RPA2: variants seen among roughly 807,000 people sequenced by gnomAD.
RPA2 encodes replication protein A 32 kDa subunit.
RPA2 carries 22 observed loss-of-function variants against 33.4 expected under a neutral mutation model. That is an observed-to-expected ratio of 0.66 (90% confidence interval 0.47 to 0.94). RPA2 has a LOEUF of 0.94. RPA2 is among the 40% of genes least tolerant of loss of function. The pLI is 0.00. For missense variants in RPA2, 279 were observed against 329.9 expected, an observed-to-expected ratio of 0.85 and a Z score of 1.19; for synonymous variants, 109 against 114.9, an observed-to-expected ratio of 0.95 and a Z score of 0.33.
At chr1:27,897,207 A>G in intron 5 of RPA2, 86 bp from the exon 6 acceptor site, 1 of 872,486 alleles carries the variant, frequency 1.1e-6, no homozygotes, top group Non-Finnish European at 1.8e-6. Flanking sequence ...CTTGGTTATA[A>G]TATTAATATT....
chr1:27,892,262 G>GAAA lies in RPA2; in HGVS notation c.729-18_729-16dup. 6.9e-7 allele frequency: 1 copy of GAAA among 1,453,052 alleles called. No individual in the cohort carries two copies. The highest frequency in any genetic ancestry group is 1.3e-5 in the South Asian group (1 of 77,236). The allele number at this position is 1,453,052 out of a possible 1,614,324, so 90.0% of individuals were successfully genotyped here. On this transcript the variant is annotated splice_polypyrimidine_tract_variant and intron_variant, in intron 8 of 8. Coordinates refer to ENST00000373912, the MANE Select transcript of RPA2 (RefSeq NM_002946.5). ...CCACAGCTTGCCTAGAAAGAAAGAA[G>GAAA]AAAAAAAAAAGGTCATTTTCAGGCC...
chr1:27,907,973 T>C (rs540961250), intron 2 of RPA2, among the ~76,000 whole-genome samples: 6 of 152,088 alleles, frequency 3.9e-5, no homozygotes, highest in African/African-American at 1.4e-4. Flanking sequence ...CTCAGCCTCC[T>C]GAGTAGCTGG....
intron 4 of RPA2, among the ~76,000 whole-genome samples, chr1:27,898,158 G>A (rs557082795): frequency 4.6e-5 from 7 of 152,166 alleles, no homozygotes; most frequent in South Asian, 2.1e-4. Flanking sequence ...CACCACGCCC[G>A]GCAGGCACAC....
intron 6 of RPA2, among the ~76,000 whole-genome samples, chr1:27,896,706 G>T (rs1334042773): frequency 6.6e-6 from 1 of 151,748 alleles, no homozygotes; most frequent in Non-Finnish European, 1.5e-5. Context: ...GACAATCCTG[G>T]AGCTAAGAGC....
rs760456514 is a variant in RPA2 at position 27,897,586 on chromosome 1, C to T, written c.408+47G>A. On this transcript the variant is annotated intron_variant, in intron 5 of 8. Transcript: ENST00000373912. ...AAAAGCCATGACATGAATCTAGAAA[C>T]TGCTTCATGCAAAAACACTTTAACT... The T allele has an allele frequency of 1.1e-5, 15 of 1,403,628 alleles. No homozygotes were observed. In the East Asian group the frequency reaches 3.7e-4, roughly 34 times the overall value. 86.9% of individuals were successfully genotyped at this position (1,403,628 alleles called of 1,614,324 possible). A position where few individuals can be genotyped will look rare whatever the true frequency, so the allele number is the denominator to read the frequency against.
At chr1:27,895,758 C>A (rs2089883593) in intron 6 of RPA2, among the ~76,000 whole-genome samples, 3 of 152,004 alleles carry the variant, frequency 2.0e-5, no homozygotes, top group Non-Finnish European at 4.4e-5. Context: ...AAACAAAAAA[C>A]CCAAATAAAC....
At chr1:27,893,694 G>A (rs1177704900) in intron 8 of RPA2, among the ~76,000 whole-genome samples, 2 of 152,008 alleles carry the variant, frequency 1.3e-5, no homozygotes, top group South Asian at 2.1e-4. Flanking sequence ...TGCAACCTCC[G>A]CCTCCTGGAT....
chr1:27,905,954 T>C (rs1041042445), intron 4 of RPA2, among the ~76,000 whole-genome samples: 1 of 115,396 alleles, frequency 8.7e-6, no homozygotes, highest in African/African-American at 3.7e-5. Flanking sequence ...TAATTAAAAA[T>C]TTAAATGTTT....
intron 4 of RPA2, among the ~76,000 whole-genome samples, chr1:27,903,219 A>C (rs2089988430): frequency 6.6e-6 from 1 of 152,086 alleles, no homozygotes; most frequent in African/African-American, 2.4e-5. Flanking sequence ...GTGAGCCACG[A>C]CGCCTGGCCT....
chr1:27,893,961 G>A (rs750104523), intron 8 of RPA2, 51 bp downstream of exon 8: 8 of 1,485,010 alleles, frequency 5.4e-6, no homozygotes, highest in Admixed American at 3.4e-5. Context: ...CCCTTGTGAG[G>A]TGAAATAGGT....
intron 4 of RPA2, among the ~76,000 whole-genome samples, chr1:27,903,935 C>A (rs12077881): frequency 0.047 from 7,035 of 149,216 alleles, 471 homozygotes; most frequent in African/African-American, 0.16. Flanking sequence ...GAGGCCAAGG[C>A]AGGTGGATCA....
chr1:27,907,756 T>C (rs1021450489), intron 2 of RPA2, among the ~76,000 whole-genome samples: 3 of 152,188 alleles, frequency 2.0e-5, no homozygotes, highest in African/African-American at 7.2e-5. Flanking sequence ...CTGTAAAAGG[T>C]AGAAGAATAG....
intron 5 of RPA2, 58 bp downstream of exon 5, chr1:27,897,575 G>A: frequency 7.8e-7 from 1 of 1,282,242 alleles, no homozygotes; most frequent in Non-Finnish European, 1.1e-6. Context: ...GCCATGACAT[G>A]AATCTAGAAA....
rs113162679 is a variant in RPA2 at position 27,914,474 on chromosome 1, G to A, written c.-31C>T. 2.6e-4 allele frequency: 417 copies of A among 1,591,972 alleles called. No individual in the cohort carries two copies. The highest frequency in any genetic ancestry group is 3.5e-4 in the Non-Finnish European group (403 of 1,168,010). ...TCACGATTCTCCGCAAAGAGGCCGA[G>A]AAGGTGCGGGTCTGGGGGAATAGCG... is the stretch of plus-strand genomic sequence containing the variant. On this transcript the variant is annotated 5_prime_UTR_variant, in exon 1 of 9. Coordinates refer to ENST00000373912, the MANE Select transcript of RPA2 (RefSeq NM_002946.5).
At chr1:27,910,812 GACTGCACC>G (rs2090087109) in intron 2 of RPA2, among the ~76,000 whole-genome samples, 1 of 152,118 alleles carries the variant, frequency 6.6e-6, no homozygotes, top group Admixed American at 6.6e-5. Context: ...GGTAAGCTAT[GACTGCACC>G]ACTGCACTCC....
Position 27,894,226 on chromosome 1 carries a change from G to C in RPA2, c.633+64C>G, listed in dbSNP as rs532701308. The C allele has an allele frequency of 8.0e-5, 123 of 1,540,800 alleles. No homozygotes were observed. In the East Asian group the frequency reaches 2.1e-3, roughly 26 times the overall value. On this transcript the variant is annotated intron_variant, in intron 7 of 8. Coordinates refer to ENST00000373912, the MANE Select transcript of RPA2 (RefSeq NM_002946.5). Reference sequence around the variant, plus strand: ...TACTTAAACAGTCGTAGCTCATTAAGGAAGTAACAAAATTTAAGACTATCT... The same window carrying C: ...TACTTAAACAGTCGTAGCTCATTAACGAAGTAACAAAATTTAAGACTATCT...
In RPA2 at chr1:27,897,049, C is replaced by T. The variant is rs760225361; in HGVS notation, c.481G>A (p.Glu161Lys). ...DMNEFTTHIL[E>K]VINAHMVLSK... Reference sequence around the variant, plus strand: ...AGTACCATGTGTGCATTGATCACTTCCAGAATATGTGTGGTGAACTCATTC... The same window carrying T: ...AGTACCATGTGTGCATTGATCACTTTCAGAATATGTGTGGTGAACTCATTC... The change falls in exon 6 of 9, where the codon GAA becomes AAA. Residue 161 changes from glutamate (E) to lysine (K), a missense_variant. Glu to Lys is a moderately conservative substitution (Grantham distance 56). Around this residue, in one of 2 missense-constraint regions of RPA2, gnomAD observed 274 missense variants for 310.3 expected, o/e 0.88. Coordinates refer to ENST00000373912, the MANE Select transcript of RPA2 (RefSeq NM_002946.5). 24 of 1,613,714 alleles carry T rather than the reference C, an allele frequency of 1.5e-5. No individual in the cohort carries two copies. The highest frequency in any genetic ancestry group is 2.0e-5 in the Non-Finnish European group (24 of 1,180,002).
intron 6 of RPA2, 68 bp downstream of exon 6, chr1:27,896,937 G>T: frequency 8.6e-7 from 1 of 1,158,974 alleles, no homozygotes; most frequent in Non-Finnish European, 1.3e-6. Flanking sequence ...GGAAATCAAA[G>T]CTGGAACACA....
chr1:27,910,020 G>A (rs28988902), intron 2 of RPA2, among the ~76,000 whole-genome samples: 1 of 152,184 alleles, frequency 6.6e-6, no homozygotes, highest in East Asian at 1.9e-4. Context: ...CTTAAAATTT[G>A]CAGGGGTCCC....
Sources: gnomAD v4.1 joint callset for allele counts (sites outside exome capture counted in the v4.1 genomes callset) on GRCh38, gnomAD v4.1.1 for gene constraint, gnomAD v4.1.1 regional missense constraint, MANE v1.5 for transcripts, NCBI Gene and HGNC (gene_info 2026-07-23, HGNC 2026-07-21) for gene names.